Variants in LHX8 observed in about 807,000 individuals in gnomAD.
LHX8 encodes LIM/homeobox protein Lhx8.
Under a neutral mutation model 40.3 loss-of-function variants are expected in LHX8, and 12 were observed. The ratio of observed to expected loss-of-function variants is 0.30; its 90% CI spans 0.19 to 0.48. The LOEUF (loss-of-function observed/expected upper bound fraction) is 0.48, where lower values mean the gene tolerates loss of function less well. Among genes scored for constraint, LHX8 ranks in the 20% least tolerant of loss-of-function variants. LHX8 has a pLI of 0.99. For missense variants in LHX8, 344 were observed against 433.7 expected (o/e 0.79, Z 1.84); for synonymous variants, 179 against 162.0 (o/e 1.10, Z -0.80).
At chr1:75,143,754 CA>C (rs934629130) in intron 5 of LHX8, 90 bp from the exon 6 acceptor site, 1 of 969,582 alleles carries the variant, frequency 1.0e-6, no homozygotes, top group Admixed American at 1.8e-5. Context: ...TACAGTTACA[CA>C]AAAAGCCAAG....
chr1:75,153,265 G>A (rs762839604), intron 7 of LHX8, among the ~76,000 whole-genome samples: 5 of 151,710 alleles, frequency 3.3e-5, no homozygotes, highest in African/African-American at 4.8e-5. Context: ...GATACCACAC[G>A]CAGCTAATTT....
intron 7 of LHX8, among the ~76,000 whole-genome samples, chr1:75,151,770 A>G (rs1208342551): frequency 1.3e-5 from 2 of 152,204 alleles, no homozygotes; most frequent in East Asian, 3.8e-4. Flanking sequence ...TGCATGACTT[A>G]TATCATTTTG....
At chr1:75,137,573 C>T (rs934584126) in intron 3 of LHX8, among the ~76,000 whole-genome samples, 2 of 152,208 alleles carry the variant, frequency 1.3e-5, no homozygotes, top group African/African-American at 4.8e-5. Context: ...AAACCCTTAT[C>T]CATTCTGAGA....
chr1:75,176,507 T>C, the LHX8 span, among the ~76,000 whole-genome samples: 1 of 152,222 alleles, frequency 6.6e-6, no homozygotes, highest in African/African-American at 2.4e-5. Flanking sequence ...TTGCCCACTT[T>C]TTGATGGGGT....
At chr1:75,179,502 G>GTTTTTTTTTTTTTTT in the LHX8 span, among the ~76,000 whole-genome samples, 2 of 108,482 alleles carry the variant, frequency 1.8e-5, no homozygotes, top group Admixed American at 1.0e-4. Flanking sequence ...AACCCCTGTT[G>GTTTTTTTTTTTTTTT]TTTTTTTTTT....
At chr1:75,175,524 A>G in the LHX8 span, among the ~76,000 whole-genome samples, 3 of 152,028 alleles carry the variant, frequency 2.0e-5, no homozygotes, top group East Asian at 5.8e-4. Flanking sequence ...AGGTTATTGC[A>G]TTGTGGAATT....
At chr1:75,150,540 C>A (rs1648578202) in intron 7 of LHX8, among the ~76,000 whole-genome samples, 1 of 151,756 alleles carries the variant, frequency 6.6e-6, no homozygotes, top group South Asian at 2.1e-4. Flanking sequence ...TTAAATGGGA[C>A]GTAGTAACAG....
At chr1:75,130,654 A>G (rs887755686), upstream of LHX8, 23 of 1,457,680 alleles carry the variant, frequency 1.6e-5, no homozygotes, top group Admixed American at 8.4e-5. Flanking sequence ...TATAAAACGG[A>G]GTCTGGGACC....
the LHX8 span, among the ~76,000 whole-genome samples, chr1:75,197,368 G>T: frequency 6.6e-6 from 1 of 152,176 alleles, no homozygotes; most frequent in African/African-American, 2.4e-5. Context: ...AAACATAGTT[G>T]TATAGTTCCA....
chr1:75,195,812 TC>T, the LHX8 span, among the ~76,000 whole-genome samples: 1 of 152,128 alleles, frequency 6.6e-6, no homozygotes, highest in Admixed American at 6.5e-5. Flanking sequence ...CTCATTTTCT[TC>T]CTGATGCCTT....
chr1:75,150,881 T>G (rs1648589421), intron 7 of LHX8, among the ~76,000 whole-genome samples: 2 of 152,036 alleles, frequency 1.3e-5, no homozygotes, highest in African/African-American at 4.8e-5. Context: ...TTCACCATGT[T>G]GGTCAGGCTG....
chr1:75,136,978 T>A (rs1453243393), intron 2 of LHX8, 122 bp from the exon 3 acceptor site: 1 of 570,284 alleles, frequency 1.8e-6, no homozygotes, highest in Non-Finnish European at 2.0e-6. Context: ...CTCAAGAAGC[T>A]GGGGGTGGGG....
At chr1:75,160,661 A>C in intron 8 of LHX8, 158 bp from the exon 9 acceptor site, 1 of 670,190 alleles carries the variant, frequency 1.5e-6, no homozygotes. Flanking sequence ...TATGCTGAAT[A>C]GGTTAATGCT....
chr1:75,198,351 A>G, the LHX8 span, among the ~76,000 whole-genome samples: 1 of 152,186 alleles, frequency 6.6e-6, no homozygotes, highest in African/African-American at 2.4e-5. Context: ...GGAGTGGTAA[A>G]GTCCAGGTGC....
chr1:75,191,229 C>CA, the LHX8 span, among the ~76,000 whole-genome samples: 1 of 151,734 alleles, frequency 6.6e-6, no homozygotes, highest in South Asian at 2.1e-4. Flanking sequence ...GAATGAAGAG[C>CA]AAAAAACTTG....
In LHX8 at chr1:75,136,639, A is replaced by G; in HGVS notation, c.25A>G (p.Thr9Ala). Residue 9 changes from threonine (T) to alanine (A), a missense_variant, in exon 2 of 9, where the codon ACA becomes GCA. Thr to Ala is a moderately conservative substitution (Grantham distance 58). Coordinates refer to ENST00000356261, the MANE Select transcript of LHX8 (RefSeq NM_001256114.2). ...CATGTCAGAGGAGTGCGGGCGGACT[A>G]CAGCCCTGGCGGCCGGGAGGACTCG... MSEECGRT[T>A]ALAAGRTRKG... 1.3e-6 allele frequency: 2 copies of G among 1,549,700 alleles called. No individual in the cohort carries two copies. Among genetic ancestry groups the G allele is most frequent in the Non-Finnish European group, 1.7e-6 (2 of 1,146,716 alleles).
chr1:75,169,889 C>G, the LHX8 span, among the ~76,000 whole-genome samples: 3 of 152,236 alleles, frequency 2.0e-5, no homozygotes, highest in Non-Finnish European at 2.9e-5. Context: ...GGGGGAACTC[C>G]TGGTCTTTGC....
At chr1:75,156,538 A>G (rs531803750) in intron 7 of LHX8, among the ~76,000 whole-genome samples, 1 of 152,260 alleles carries the variant, frequency 6.6e-6, no homozygotes, top group East Asian at 1.9e-4. Flanking sequence ...CACAGCACCC[A>G]GTCAAATCCA....
At chr1:75,148,530 A>G in intron 6 of LHX8, 57 bp from the exon 7 acceptor site, 1 of 1,181,084 alleles carries the variant, frequency 8.5e-7, no homozygotes, top group Non-Finnish European at 1.3e-6. Context: ...AAAATGCAGG[A>G]AGAAGACTGA....
Sources: gnomAD v4.1 joint callset for allele counts (sites outside exome capture counted in the v4.1 genomes callset) on GRCh38, gnomAD v4.1.1 for gene constraint, MANE v1.5 for transcripts, NCBI Gene and HGNC (gene_info 2026-07-23, HGNC 2026-07-21) for gene names.